MGST2: variants seen among roughly 807,000 people sequenced by gnomAD.
MGST2 encodes the protein glutathione peroxidase MGST2.
MGST2 carries 9 observed loss-of-function variants against 16.6 expected under a neutral mutation model. The ratio of observed to expected loss-of-function variants is 0.54; its 90% CI spans 0.33 to 0.95. The LOEUF (loss-of-function observed/expected upper bound fraction) is 0.95. Among genes scored for constraint, MGST2 ranks in the 40% least tolerant of loss-of-function variants. The pLI, the probability that MGST2 is intolerant of heterozygous loss-of-function variation, is 0.03. For synonymous variants in MGST2, 79 were observed against 68.0 expected, an observed-to-expected ratio of 1.16 and a Z score of -0.79; for missense variants, 159 against 175.1, an observed-to-expected ratio of 0.91 and a Z score of 0.52.
downstream of MGST2, among the ~76,000 whole-genome samples, chr4:139,706,541 A>G (rs1727524859): frequency 6.6e-6 from 1 of 152,188 alleles, no homozygotes; most frequent in Admixed American, 6.5e-5. Context: ...GAGAATGCAA[A>G]TTTTTGATAC....
chr4:139,719,414 G>A (rs202229376), intron 5 of MGST2: 34 of 1,613,968 alleles, frequency 2.1e-5, no homozygotes, highest in Middle Eastern at 3.3e-4. Context: ...TGCACCGTCC[G>A]GGAGGCCAGG....
At chr4:139,725,175 G>A (rs1007957303) in intron 5 of MGST2, among the ~76,000 whole-genome samples, 6 of 152,170 alleles carry the variant, frequency 3.9e-5, no homozygotes, top group Non-Finnish European at 2.9e-5. Flanking sequence ...CATGATTTAG[G>A]ATTCCCGCAA....
intron 2 of MGST2, among the ~76,000 whole-genome samples, chr4:139,688,366 C>T (rs572983948): frequency 3.4e-4 from 52 of 152,170 alleles, no homozygotes; most frequent in African/African-American, 1.2e-3. Context: ...CTTCTTAGTT[C>T]TTGTGAATGC....
chr4:139,695,504 C>T (rs1726866843), intron 3 of MGST2, among the ~76,000 whole-genome samples: 1 of 152,126 alleles, frequency 6.6e-6, no homozygotes, highest in Admixed American at 6.6e-5. Flanking sequence ...TGCCTGTAAT[C>T]CCAGCTACTT....
chr4:139,689,699 T>G (rs962530017), intron 2 of MGST2, among the ~76,000 whole-genome samples: 1 of 152,216 alleles, frequency 6.6e-6, no homozygotes, highest in Non-Finnish European at 1.5e-5. Flanking sequence ...TTTGAATTGC[T>G]TTGTCTGTTT....
intron 5 of MGST2, among the ~76,000 whole-genome samples, chr4:139,722,645 GA>G (rs1317994640): frequency 6.6e-6 from 1 of 152,004 alleles, no homozygotes; most frequent in Admixed American, 6.6e-5. Flanking sequence ...CTGTATTTGT[GA>G]AAAAAATAAG....
intron 2 of MGST2, among the ~76,000 whole-genome samples, chr4:139,691,735 G>C (rs1436650525): frequency 1.3e-5 from 2 of 151,998 alleles, no homozygotes; most frequent in East Asian, 1.9e-4. Context: ...ATCTCACTCT[G>C]TCACCCAGGC....
rs1485114576 is a variant in MGST2 at position 139,715,738 on chromosome 4, C to T, written c.*48+11542C>T. Among the ~76,000 whole-genome samples, 1 of 152,116 alleles carries T rather than the reference C, an allele frequency of 6.6e-6. No homozygotes were observed. The highest frequency in any genetic ancestry group is 1.5e-5 in the Non-Finnish European group (1 of 68,014). On this transcript the variant is annotated intron_variant, in intron 5 of 5. Transcript: ENST00000616265. The surrounding 1 kb of genome is among the most constrained non-coding windows in gnomAD (Gnocchi z 4.4). ...TGTCATGGCACTGGTGGGAGTGTGG[C>T]AGTGAGGACGACCAGAGGTCACCCT... is the stretch of plus-strand genomic sequence containing the variant.
chr4:139,703,204 G>C (rs1474527065), intron 3 of MGST2, among the ~76,000 whole-genome samples: 1 of 152,058 alleles, frequency 6.6e-6, no homozygotes, highest in Non-Finnish European at 1.5e-5. Context: ...TGGGAATACA[G>C]GCCTGAGCTA....
At chr4:139,698,620 G>A in intron 3 of MGST2, 3 of 845,398 alleles carry the variant, frequency 3.5e-6, no homozygotes, top group African/African-American at 1.7e-5. Context: ...GAGAGGCGGC[G>A]CTGGCGTTGG....
At chr4:139,726,521 T>C (rs1728479445) in intron 5 of MGST2, among the ~76,000 whole-genome samples, 1 of 152,194 alleles carries the variant, frequency 6.6e-6, no homozygotes, top group African/African-American at 2.4e-5. Flanking sequence ...CCTGCATGCT[T>C]TCCTTAGGCT....
At chr4:139,749,473 C>T in the MGST2 span, among the ~76,000 whole-genome samples, 1 of 152,162 alleles carries the variant, frequency 6.6e-6, no homozygotes, top group African/African-American at 2.4e-5. Context: ...AAGAGCAGCT[C>T]ATAAACCTCA....
At position 139,704,068 on chromosome 4, in the gene MGST2, G is replaced by C. The variant is rs748892120; in HGVS notation, c.364G>C (p.Gly122Arg). ...GATTTTGGCCTTGTTGACCCTCCTAGGTGCCCTGGGAATTGCAAACAGCTT... is the reference window on the plus strand; with the variant it reads ...GATTTTGGCCTTGTTGACCCTCCTACGTGCCCTGGGAATTGCAAACAGCTT... The part of the protein sequence containing the change: ...LGILALLTLL[G>R]ALGIANSFLD... The change falls in exon 5 of 5, where the codon GGT becomes CGT. Residue 122 changes from glycine (G) to arginine (R), a missense_variant. Transcript: ENST00000265498. The C allele has an allele frequency of 6.2e-7, 1 of 1,614,066 alleles. No individual in the cohort carries two copies. Among genetic ancestry groups the C allele is most frequent in the Non-Finnish European group, 8.5e-7 (1 of 1,180,012 alleles).
At chr4:139,698,972 G>A (rs552235411) in intron 3 of MGST2, among the ~76,000 whole-genome samples, 1 of 152,050 alleles carries the variant, frequency 6.6e-6, no homozygotes, top group Admixed American at 6.5e-5. Context: ...TCTGCTTTTT[G>A]GGAGCACTTT....
At chr4:139,681,229 T>G (rs2646065) in intron 2 of MGST2, among the ~76,000 whole-genome samples, 37,474 of 152,014 alleles carry the variant, frequency 0.25, 5,179 homozygotes, top group African/African-American at 0.36. Flanking sequence ...TGTTGCCCAG[T>G]CTGGTCTCAA....
At chr4:139,666,116 GCGT>G (rs773074914) in intron 1 of MGST2, 39 bp downstream of exon 1, 11 of 1,428,796 alleles carry the variant, frequency 7.7e-6, no homozygotes, top group Middle Eastern at 1.9e-4. Flanking sequence ...GCGCGTGTGT[GCGT>G]GTGTGTGTGT....
intron 2 of MGST2, among the ~76,000 whole-genome samples, chr4:139,682,837 G>A (rs966941068): frequency 6.6e-6 from 1 of 150,822 alleles, no homozygotes; most frequent in Non-Finnish European, 1.5e-5. Flanking sequence ...TGAAGGGTGA[G>A]TAGAGCAGAA....
chr4:139,673,170 G>C (rs1279491265), intron 1 of MGST2, among the ~76,000 whole-genome samples: 2 of 152,184 alleles, frequency 1.3e-5, no homozygotes, highest in African/African-American at 2.4e-5. Flanking sequence ...AGGAGATAGT[G>C]GGGGAGACAA....
intron 2 of MGST2, among the ~76,000 whole-genome samples, chr4:139,682,265 G>A (rs57336825): frequency 0.36 from 53,829 of 150,718 alleles, 10,304 homozygotes; most frequent in African/African-American, 0.51. Flanking sequence ...AACAAAAACA[G>A]AAAGGATAGC....
Sources: gnomAD v4.1 joint callset for allele counts (sites outside exome capture counted in the v4.1 genomes callset) on GRCh38, gnomAD v4.1.1 for gene constraint, Gnocchi (gnomAD v3.1) non-coding constraint, MANE v1.5 for transcripts, NCBI Gene and HGNC (gene_info 2026-07-23, HGNC 2026-07-21) for gene names.